CALN1: variants seen among roughly 807,000 people sequenced by gnomAD.
The protein encoded by CALN1 is calneuron 1, also known as calcium-binding protein 8.
CALN1 carries 17 observed loss-of-function variants against 30.6 expected under a neutral mutation model. The observed-to-expected ratio is 0.56, with a 90% CI of 0.38 to 0.83. The LOEUF (loss-of-function observed/expected upper bound fraction) is 0.83, where lower values mean the gene tolerates loss of function less well. Ranked by LOEUF, CALN1 falls within the 40% of genes least tolerant of loss-of-function variation. CALN1 has a pLI of 0.00. For missense variants in CALN1, 291 were observed against 354.9 expected (o/e 0.82, Z 1.45); for synonymous variants, 156 against 131.4 (o/e 1.19, Z -1.28).
chr7:72,112,709 G>A (rs563241168), intron 3 of CALN1, among the ~76,000 whole-genome samples: 1 of 152,316 alleles, frequency 6.6e-6, no homozygotes, highest in Admixed American at 6.5e-5. Flanking sequence ...GCAAAGAGTT[G>A]CTGTTTACTT....
At chr7:72,311,794 C>G (rs938660370) in intron 2 of CALN1, among the ~76,000 whole-genome samples, 15 of 151,482 alleles carry the variant, frequency 9.9e-5, no homozygotes, top group African/African-American at 3.4e-4. Flanking sequence ...ACCACCGCGC[C>G]TGGCCATCAC....
At chr7:72,260,091 G>A (rs1295307666) in intron 3 of CALN1, among the ~76,000 whole-genome samples, 1 of 152,178 alleles carries the variant, frequency 6.6e-6, no homozygotes, top group East Asian at 1.9e-4. Flanking sequence ...AATTAGCTGA[G>A]TGTGATGGCA....
At chr7:72,161,606 C>T (rs1788115161) in intron 3 of CALN1, among the ~76,000 whole-genome samples, 1 of 152,158 alleles carries the variant, frequency 6.6e-6, no homozygotes, top group Non-Finnish European at 1.5e-5. Context: ...ATGTGGAACT[C>T]TCTGCCTGAA....
intron 3 of CALN1, among the ~76,000 whole-genome samples, chr7:72,267,757 A>G (rs1796691787): frequency 6.6e-6 from 1 of 152,258 alleles, no homozygotes; most frequent in African/African-American, 2.4e-5. Flanking sequence ...CTGTAATCCC[A>G]GCACTTTGGC....
At chr7:72,229,436 G>A (rs1450698888) in intron 3 of CALN1, among the ~76,000 whole-genome samples, 3 of 151,964 alleles carry the variant, frequency 2.0e-5, no homozygotes, top group African/African-American at 7.2e-5. Flanking sequence ...TACTGGGTGT[G>A]TACCCAAATG....
intron 4 of CALN1, among the ~76,000 whole-genome samples, chr7:72,096,805 C>A (rs1437926386): frequency 6.6e-6 from 1 of 152,172 alleles, no homozygotes; most frequent in African/African-American, 2.4e-5. Flanking sequence ...AATCCCATTA[C>A]TGGGTATATA....
At chr7:72,146,648 C>T (rs1328581009) in intron 3 of CALN1, among the ~76,000 whole-genome samples, 1 of 152,130 alleles carries the variant, frequency 6.6e-6, no homozygotes, top group Admixed American at 6.6e-5. Context: ...CAAAAAAGAG[C>T]CCACATTGCC....
chr7:72,128,462 A>G (rs900962173), intron 3 of CALN1, among the ~76,000 whole-genome samples: 1 of 152,230 alleles, frequency 6.6e-6, no homozygotes, highest in African/African-American at 2.4e-5. Flanking sequence ...GTATATTAAA[A>G]CAAACTCATA....
chr7:72,154,151 C>T (rs1585051455), intron 3 of CALN1, among the ~76,000 whole-genome samples: 1 of 151,796 alleles, frequency 6.6e-6, no homozygotes, highest in Non-Finnish European at 1.5e-5. Context: ...ATAGAAATGG[C>T]TTCAACTCCT....
intron 2 of CALN1, chr7:72,337,195 C>G: frequency 2.0e-6 from 2 of 985,252 alleles, no homozygotes; most frequent in Non-Finnish European, 2.4e-6. Context: ...CAGCTCCTCC[C>G]CAGCGGATCC....
chr7:72,048,143 G>GAT lies in CALN1; in HGVS notation c.389-24376_389-24375dup, dbSNP rs558210287. 3.8e-4 allele frequency among the ~76,000 whole-genome samples: 57 copies of GAT among 150,752 alleles called. 1 individual carries two copies. The East Asian group carries it at 0.011, about 29-fold the overall frequency. On this transcript the variant is annotated intron_variant, in intron 4 of 6. Coordinates refer to ENST00000395275, the MANE Select transcript of CALN1 (RefSeq NM_031468.4). ...CAACCTCCGCCTCCCAGGTTCAAGC[G>GAT]ATTCCCCTGCCTCAACCTCCCAAGT...
the CALN1 span, among the ~76,000 whole-genome samples, chr7:72,498,089 G>T: frequency 6.6e-6 from 1 of 152,128 alleles, no homozygotes; most frequent in Non-Finnish European, 1.5e-5. Flanking sequence ...GATGGGGAAA[G>T]AAAGGTTATT....
intron 5 of CALN1, among the ~76,000 whole-genome samples, chr7:71,910,176 A>G (rs1013915383): frequency 2.0e-5 from 3 of 152,176 alleles, no homozygotes; most frequent in African/African-American, 7.2e-5. Flanking sequence ...GACACAGCCA[A>G]ACTGTATCAC....
chr7:72,336,177 G>A (rs921101914), intron 2 of CALN1, among the ~76,000 whole-genome samples: 10 of 152,040 alleles, frequency 6.6e-5, no homozygotes, highest in Non-Finnish European at 8.8e-5. Flanking sequence ...CAGCGCTAGG[G>A]GCCGGAGGTG....
At chr7:72,388,409 T>G (rs1400980253) in intron 2 of CALN1, among the ~76,000 whole-genome samples, 1 of 152,008 alleles carries the variant, frequency 6.6e-6, no homozygotes. Context: ...TATCCTAAAA[T>G]GAGATCCAAG....
chr7:72,341,294 G>A (rs1802370245), intron 2 of CALN1, among the ~76,000 whole-genome samples: 1 of 152,142 alleles, frequency 6.6e-6, no homozygotes, highest in South Asian at 2.1e-4. Flanking sequence ...AAGCCGAGGC[G>A]GGTGGATCAC....
At chr7:72,388,532 A>G (rs1202583402) in intron 2 of CALN1, among the ~76,000 whole-genome samples, 2 of 152,226 alleles carry the variant, frequency 1.3e-5, no homozygotes, top group Non-Finnish European at 2.9e-5. Context: ...ATACTTAAGT[A>G]AAATGCTAAT....
At chr7:71,924,666 A>C (rs996332335) in intron 5 of CALN1, among the ~76,000 whole-genome samples, 1 of 151,684 alleles carries the variant, frequency 6.6e-6, no homozygotes, top group Non-Finnish European at 1.5e-5. Context: ...TGCCTTCATG[A>C]TATCTGTTTA....
At chr7:72,025,568 G>A in intron 4 of CALN1, among the ~76,000 whole-genome samples, 1 of 152,170 alleles carries the variant, frequency 6.6e-6, no homozygotes. Flanking sequence ...ACAGTAATCA[G>A]AAGGTGGACT....
Sources: allele counts gnomAD v4.1 joint callset (sites outside exome capture counted in the v4.1 genomes callset), GRCh38; gene constraint gnomAD v4.1.1; transcripts MANE v1.5; gene names NCBI Gene and HGNC (gene_info 2026-07-23, HGNC 2026-07-21).